Variants in CACHD1 observed in about 807,000 individuals in gnomAD.
CACHD1 encodes the protein cache domain containing 1.
A neutral mutation model predicts 138.7 loss-of-function variants in CACHD1; 71 were observed. The observed-to-expected ratio is 0.51, with a 90% CI of 0.42 to 0.62. The LOEUF is 0.62. Among genes scored for constraint, CACHD1 ranks in the 20% least tolerant of loss-of-function variants. The pLI is 0.00. For missense variants in CACHD1, 1,389 were observed against 1,625.3 expected (o/e 0.85, Z 2.50); for synonymous variants, 578 against 591.5 (o/e 0.98, Z 0.33).
In CACHD1 at chr1:64,566,479, T is replaced by TACC. The variant is rs1553133821; in HGVS notation, c.262-15677_262-15676insACC. On this transcript the variant is annotated intron_variant, in intron 2 of 26. Coordinates refer to ENST00000651257, the MANE Select transcript of CACHD1 (RefSeq NM_020925.4). ...CAGTGCTCCACTGTATGTTTTCAAT[T>TACC]CCCCCCCCCCCACAAGGTATGGGGG... 1.7e-5 allele frequency among the ~76,000 whole-genome samples: 2 copies of TACC among 120,646 alleles called. 1 individual carries two copies. The highest frequency in any genetic ancestry group is 2.1e-4 in the Admixed American group (2 of 9,694). 79.1% of individuals were successfully genotyped at this position (120,646 alleles called of 152,430 possible).
At chr1:64,673,527 A>T in intron 19 of CACHD1, 63 bp downstream of exon 19, 9 of 1,273,356 alleles carry the variant, frequency 7.1e-6, no homozygotes, top group Non-Finnish European at 1.0e-5. Flanking sequence ...ATGAATTGGA[A>T]TCATGGCTAG....
chr1:64,535,805 T>C (rs307337), intron 1 of CACHD1, among the ~76,000 whole-genome samples: 31,396 of 152,064 alleles, frequency 0.21, 7,164 homozygotes, highest in African/African-American at 0.57. Flanking sequence ...TGACCTCCCC[T>C]GGCTTCCTCT....
rs5774712 is a variant in CACHD1 at position 64,617,136 on chromosome 1, GAA to G, written c.518-12211_518-12210del. 1.3e-3 allele frequency among the ~76,000 whole-genome samples: 194 copies of G among 146,702 alleles called. 2 individuals carry two copies. The highest frequency in any genetic ancestry group is 4.1e-3 in the African/African-American group (162 of 39,916). On this transcript the variant is annotated intron_variant, in intron 4 of 26. Transcript: ENST00000651257. ...ATCAGAGTCACCTGGGATGCTTTGT[GAA>G]AAAAAAACAAAACAAAACAAAACAA...
At chr1:64,665,738 C>A (rs12046697) in intron 15 of CACHD1, among the ~76,000 whole-genome samples, 44 of 151,902 alleles carry the variant, frequency 2.9e-4, no homozygotes, top group African/African-American at 1.0e-3. Flanking sequence ...ATGACTTGGC[C>A]GGGTGCGGTG....
intron 8 of CACHD1, among the ~76,000 whole-genome samples, chr1:64,642,707 A>G (rs1648759038): frequency 6.6e-6 from 1 of 151,206 alleles, no homozygotes; most frequent in South Asian, 2.1e-4. Context: ...CTTTAGGCCC[A>G]TTGCCCTCAG....
At chr1:64,566,328 A>G (rs1303690458) in intron 2 of CACHD1, among the ~76,000 whole-genome samples, 1 of 152,230 alleles carries the variant, frequency 6.6e-6, no homozygotes, top group East Asian at 1.9e-4. Flanking sequence ...GCATGAATTA[A>G]TAATCCTCAA....
intron 7 of CACHD1, among the ~76,000 whole-genome samples, chr1:64,639,843 G>A (rs774266740): frequency 4.6e-5 from 7 of 152,178 alleles, no homozygotes; most frequent in Non-Finnish European, 8.8e-5. Context: ...CTGTACTTCA[G>A]GAATCTGGAC....
At chr1:64,642,539 A>G (rs1026488188) in intron 8 of CACHD1, among the ~76,000 whole-genome samples, 23 of 152,198 alleles carry the variant, frequency 1.5e-4, no homozygotes, top group Admixed American at 3.9e-4. Context: ...CTGTCGAATG[A>G]CAGAATGTAA....
chr1:64,664,699 G>A lies in CACHD1; in HGVS notation c.2276+20G>A, dbSNP rs375177823. Reference sequence around the variant, plus strand: ...ACAATGGTGAGTTTTAGGGGCTTCCGTTATCAAAGGTTCTCCCCCAAATCC... The same window carrying A: ...ACAATGGTGAGTTTTAGGGGCTTCCATTATCAAAGGTTCTCCCCCAAATCC... On this transcript the variant is annotated intron_variant, in intron 15 of 26. Transcript: ENST00000651257. The A allele has an allele frequency of 5.8e-5, 94 of 1,607,020 alleles. No homozygotes were observed. Among genetic ancestry groups the A allele is most frequent in the Middle Eastern group, 1.7e-4 (1 of 6,048 alleles).
intron 2 of CACHD1, among the ~76,000 whole-genome samples, chr1:64,569,652 C>T (rs898888978): frequency 2.6e-5 from 4 of 152,132 alleles, no homozygotes; most frequent in Non-Finnish European, 5.9e-5. Flanking sequence ...AGGAAACACA[C>T]TGGGTGTTAC....
intron 2 of CACHD1, among the ~76,000 whole-genome samples, chr1:64,575,056 A>G (rs902239303): frequency 2.0e-5 from 3 of 152,206 alleles, no homozygotes; most frequent in Non-Finnish European, 2.9e-5. Flanking sequence ...TAGACCCCAC[A>G]ATATTTCCCC....
At chr1:64,586,846 C>T in intron 3 of CACHD1, among the ~76,000 whole-genome samples, 1 of 152,006 alleles carries the variant, frequency 6.6e-6, no homozygotes, top group South Asian at 2.1e-4. Flanking sequence ...AAGTGATAGA[C>T]ATGTAGTAGT....
intron 7 of CACHD1, among the ~76,000 whole-genome samples, chr1:64,635,041 G>A (rs897631805): frequency 9.7e-5 from 14 of 144,338 alleles, no homozygotes; most frequent in Non-Finnish European, 2.0e-4. Flanking sequence ...ATTGTCATAT[G>A]TTGTCTTCGT....
At chr1:64,494,580 AC>A in intron 1 of CACHD1, among the ~76,000 whole-genome samples, 1 of 152,338 alleles carries the variant, frequency 6.6e-6, no homozygotes, top group South Asian at 2.1e-4. Context: ...CTAGAATTTA[AC>A]CATGTAGTAG....
In CACHD1 at chr1:64,645,531, G is replaced by A. The variant is rs1238618356; in HGVS notation, c.1157-2270G>A. On this transcript the variant is annotated intron_variant, in intron 8 of 26. Coordinates refer to ENST00000651257, the MANE Select transcript of CACHD1 (RefSeq NM_020925.4). ...AGAATTAGAATGCACACAATTGTGG[G>A]AGAAACTGGGAGAAACTGTGGGAGA... Among the ~76,000 whole-genome samples, 5 of 152,100 alleles carry A rather than the reference G, an allele frequency of 3.3e-5. No individual in the cohort carries two copies. The East Asian group carries it at 9.6e-4, about 29-fold the overall frequency.
chr1:64,670,701 C>G (rs549567060), intron 16 of CACHD1, among the ~76,000 whole-genome samples: 1 of 152,308 alleles, frequency 6.6e-6, no homozygotes, highest in Admixed American at 6.5e-5. Context: ...GTTTAGTTTT[C>G]TTTAGCTTAG....
At chr1:64,685,039 C>T (rs1331990652) in intron 26 of CACHD1, among the ~76,000 whole-genome samples, 1 of 152,146 alleles carries the variant, frequency 6.6e-6, no homozygotes, top group Non-Finnish European at 1.5e-5. Context: ...GAACTCCCAA[C>T]CTCAGGTGAT....
At chr1:64,684,354 CTTCTTCTTCT>C (rs1650288100) in intron 26 of CACHD1, among the ~76,000 whole-genome samples, 1 of 99,964 alleles carries the variant, frequency 1.0e-5, no homozygotes, top group Non-Finnish European at 2.0e-5. Context: ...TTTTCTTCTT[CTTCTTCTTCT>C]TTTTTTTTTT....
intron 1 of CACHD1, among the ~76,000 whole-genome samples, chr1:64,509,097 T>A (rs1646399254): frequency 6.6e-6 from 1 of 152,208 alleles, no homozygotes; most frequent in Non-Finnish European, 1.5e-5. Context: ...TTAATGAAGT[T>A]CATACTCTCT....
Sources: gnomAD v4.1 joint callset for allele counts (sites outside exome capture counted in the v4.1 genomes callset) on GRCh38, gnomAD v4.1.1 for gene constraint, MANE v1.5 for transcripts, NCBI Gene and HGNC (gene_info 2026-07-23, HGNC 2026-07-21) for gene names.